The following CSMD1 variants were observed in gnomAD, a reference collection of about 807,000 sequenced individuals.
CSMD1 encodes the protein CUB and Sushi multiple domains 1.
A neutral mutation model predicts 417.5 loss-of-function variants in CSMD1; 213 were observed. That is an observed-to-expected ratio of 0.51 (90% CI 0.46 to 0.57). CSMD1 has a LOEUF of 0.57. Among genes scored for constraint, CSMD1 ranks in the 20% least tolerant of loss-of-function variants. The pLI, the probability that CSMD1 is intolerant of heterozygous loss-of-function variation, is 0.00. For missense variants in CSMD1, 6,923 were observed against 4,529.7 expected (o/e 1.53, Z -15.17); for synonymous variants, 2,862 against 1,736.8 (o/e 1.65, Z -16.11).
intron 26 of CSMD1, among the ~76,000 whole-genome samples, chr8:3,268,516 C>G (rs1801603071): frequency 6.6e-6 from 1 of 151,926 alleles, no homozygotes; most frequent in Non-Finnish European, 1.5e-5. Flanking sequence ...GTCTCAATTT[C>G]CTGACCTCAT....
intron 52 of CSMD1, among the ~76,000 whole-genome samples, chr8:3,003,694 A>G (rs1397479092): frequency 6.6e-6 from 1 of 152,190 alleles, no homozygotes; most frequent in Non-Finnish European, 1.5e-5. Flanking sequence ...TGTCACGTGC[A>G]GAGTCCTGAG....
At chr8:4,660,303 A>G (rs560837094) in intron 1 of CSMD1, among the ~76,000 whole-genome samples, 8 of 152,110 alleles carry the variant, frequency 5.3e-5, no homozygotes, top group African/African-American at 1.9e-4. Flanking sequence ...AACGCAACAC[A>G]ATTTAAAGCC....
At chr8:4,529,244 T>A (rs987571011) in intron 2 of CSMD1, among the ~76,000 whole-genome samples, 2 of 152,150 alleles carry the variant, frequency 1.3e-5, no homozygotes, top group African/African-American at 4.8e-5. Flanking sequence ...CCTTTCTTAT[T>A]CTGTTCGGAG....
At chr8:3,276,128 TGTTA>T (rs1201817064) in intron 26 of CSMD1, among the ~76,000 whole-genome samples, 1 of 152,190 alleles carries the variant, frequency 6.6e-6, no homozygotes, top group African/African-American at 2.4e-5. Flanking sequence ...CATTTCTGTT[TGTTA>T]GTTTTCCTTC....
chr8:3,758,518 C>G (rs1246445464), intron 5 of CSMD1, among the ~76,000 whole-genome samples: 1 of 152,140 alleles, frequency 6.6e-6, no homozygotes, highest in Non-Finnish European at 1.5e-5. Flanking sequence ...GGGCCAGGAG[C>G]TAATCTTATA....
chr8:3,745,573 G>C (rs1050627210), intron 6 of CSMD1, among the ~76,000 whole-genome samples: 1 of 152,160 alleles, frequency 6.6e-6, no homozygotes, highest in Non-Finnish European at 1.5e-5. Flanking sequence ...TGCTACGCTT[G>C]CTCCTCAACC....
At chr8:3,922,646 C>T (rs1435453890) in intron 5 of CSMD1, among the ~76,000 whole-genome samples, 2 of 152,122 alleles carry the variant, frequency 1.3e-5, no homozygotes, top group Non-Finnish European at 1.5e-5. Flanking sequence ...AATTTGGTCA[C>T]ATAAAAATAA....
intron 3 of CSMD1, among the ~76,000 whole-genome samples, chr8:4,150,446 C>G (rs920672858): frequency 6.6e-6 from 1 of 152,148 alleles, no homozygotes; most frequent in Non-Finnish European, 1.5e-5. Flanking sequence ...ACTTCAGTGC[C>G]TTTTACCGGG....
intron 1 of CSMD1, among the ~76,000 whole-genome samples, chr8:4,704,213 C>G (rs1296930037): frequency 6.6e-6 from 1 of 152,224 alleles, no homozygotes; most frequent in African/African-American, 2.4e-5. Flanking sequence ...TAGCACCTTA[C>G]ATTGTCATTT....
chr8:3,390,052 G>A (rs1039598972), intron 17 of CSMD1, among the ~76,000 whole-genome samples: 1 of 152,080 alleles, frequency 6.6e-6, no homozygotes, highest in African/African-American at 2.4e-5. Context: ...AGAAAATGGT[G>A]AGAAAGAACA....
chr8:4,965,412 T>G (rs1191537955), intron 1 of CSMD1, among the ~76,000 whole-genome samples: 1 of 152,222 alleles, frequency 6.6e-6, no homozygotes, highest in Non-Finnish European at 1.5e-5. Flanking sequence ...ACTCACCTGA[T>G]TTATTTTTCA....
intron 26 of CSMD1, among the ~76,000 whole-genome samples, chr8:3,282,662 A>G (rs1204160598): frequency 6.6e-6 from 1 of 152,176 alleles, no homozygotes; most frequent in Admixed American, 6.5e-5. Flanking sequence ...AAATTTTACC[A>G]TGTACAAGTA....
intron 5 of CSMD1, among the ~76,000 whole-genome samples, chr8:3,966,484 A>G (rs1230537839): frequency 6.6e-6 from 1 of 151,996 alleles, no homozygotes; most frequent in Non-Finnish European, 1.5e-5. Context: ...TCTGTTATTT[A>G]TTTATTGGGA....
chr8:3,563,666 G>C (rs994651149), intron 10 of CSMD1, among the ~76,000 whole-genome samples: 2 of 152,010 alleles, frequency 1.3e-5, no homozygotes, highest in Admixed American at 1.3e-4. Context: ...TGAGGCGGGT[G>C]GATCATGAGG....
chr8:3,251,753 G>A (rs962789817), intron 26 of CSMD1, among the ~76,000 whole-genome samples: 3 of 152,122 alleles, frequency 2.0e-5, no homozygotes, highest in South Asian at 2.1e-4. Context: ...GCAGTGGATT[G>A]TAGTTCTCCT....
chr8:4,403,137 T>C (rs1431775273), intron 3 of CSMD1, among the ~76,000 whole-genome samples: 1 of 152,034 alleles, frequency 6.6e-6, no homozygotes, highest in Admixed American at 6.6e-5. Context: ...GGCCAAAATG[T>C]CCTCACTTTT....
At chr8:4,594,936 T>C (rs1214002319) in intron 2 of CSMD1, among the ~76,000 whole-genome samples, 1 of 152,214 alleles carries the variant, frequency 6.6e-6, no homozygotes, top group Non-Finnish European at 1.5e-5. Flanking sequence ...GACTACATAT[T>C]ATAATTCAGT....
chr8:4,887,945 T>G (rs1803863943), intron 1 of CSMD1, among the ~76,000 whole-genome samples: 1 of 152,070 alleles, frequency 6.6e-6, no homozygotes, highest in African/African-American at 2.4e-5. Flanking sequence ...TCTCATGTAG[T>G]CAATATATGG....
In CSMD1 at chr8:4,416,408, C is replaced by G. The variant is rs139632091; in HGVS notation, c.415+3545G>C. Among the ~76,000 whole-genome samples, 15 of 152,144 alleles carry G rather than the reference C, an allele frequency of 9.9e-5. No homozygotes were observed. In the East Asian group the frequency reaches 2.9e-3, roughly 29 times the overall value. ...TAACCAATATTTAAATTATTGAAGT[C>G]CATGTATGATTTCCCAAATATTTTA... On this transcript the variant is annotated intron_variant, in intron 3 of 69. Transcript: ENST00000635120.
Sources: gnomAD v4.1 joint callset for allele counts (sites outside exome capture counted in the v4.1 genomes callset) on GRCh38, gnomAD v4.1.1 for gene constraint, MANE v1.5 for transcripts, NCBI Gene and HGNC (gene_info 2026-07-23, HGNC 2026-07-21) for gene names.